The following LYPD1 variants were observed in gnomAD, a reference collection of about 807,000 sequenced individuals.
LYPD1 encodes the protein LY6/PLAUR domain containing 1.
LYPD1 carries 14 observed loss-of-function variants against 14.2 expected under a neutral mutation model. The ratio of observed to expected loss-of-function variants is 0.99; its 90% confidence interval spans 0.65 to 1.54. The LOEUF (loss-of-function observed/expected upper bound fraction) is 1.54, where lower values mean the gene tolerates loss of function less well. Ranked by LOEUF, LYPD1 falls within the 40% of genes most tolerant of loss-of-function variation. The pLI is 0.00. For missense variants in LYPD1, 165 were observed against 175.7 expected (o/e 0.94, Z 0.34); for synonymous variants, 85 against 70.6 (o/e 1.20, Z -1.02).
At chr2:132,658,960 G>C (rs1242724226) in intron 2 of LYPD1, among the ~76,000 whole-genome samples, 1 of 152,020 alleles carries the variant, frequency 6.6e-6, no homozygotes, top group African/African-American at 2.4e-5. Context: ...AGAGGTGTGT[G>C]TGTGTGTGTG....
chr2:132,645,255 G>A lies in LYPD1; in HGVS notation c.*790C>T, dbSNP rs1558870597. 3 of 1,614,128 alleles carry A rather than the reference G, an allele frequency of 1.9e-6. No homozygotes were observed. Among genetic ancestry groups the A allele is most frequent in the East Asian group, 2.2e-5 (1 of 44,868 alleles). ...CGGAGACGTTTTTCTACCTCAGCTC[G>A]GTCATCAACCCGCTCCTGTACACGG... On this transcript the variant is annotated 3_prime_UTR_variant, in exon 3 of 3. Coordinates refer to ENST00000397463, the MANE Select transcript of LYPD1 (RefSeq NM_144586.7).
rs922316481 is a variant in LYPD1, at chr2:132,669,518, G to A, written c.52+363C>T. ...CACCTGTCGGCGGCGCCACTCCCAC[G>A]GGGTGCCGGAGGCGCCAGACAACTT... On this transcript the variant is annotated intron_variant, in intron 1 of 2. Coordinates refer to ENST00000397463, the MANE Select transcript of LYPD1 (RefSeq NM_144586.7). This position sits in a 1 kb window ranked among gnomAD's most constrained non-coding sequence, Gnocchi z 4.3. 6.6e-6 allele frequency among the ~76,000 whole-genome samples: 1 copy of A among 152,106 alleles called. No homozygotes were observed. The highest frequency in any genetic ancestry group is 2.4e-5 in the African/African-American group (1 of 41,438).
intron 2 of LYPD1, chr2:132,646,653 A>G (rs1682105147): frequency 5.8e-6 from 1 of 173,640 alleles, no homozygotes. Context: ...AGTGAGGCCC[A>G]CAAGCAGTGC....
chr2:132,654,263 T>C (rs971588001), intron 2 of LYPD1, among the ~76,000 whole-genome samples: 5 of 152,096 alleles, frequency 3.3e-5, no homozygotes, highest in Non-Finnish European at 5.9e-5. Context: ...CAGCTGGGCA[T>C]GGTGGCGCTT....
intron 2 of LYPD1, among the ~76,000 whole-genome samples, chr2:132,655,302 C>G (rs1682522567): frequency 6.6e-6 from 1 of 152,096 alleles, no homozygotes; most frequent in Non-Finnish European, 1.5e-5. Context: ...TAATTCCCTC[C>G]AACTTAGACT....
At chr2:132,668,014 G>C (rs1243846152) in intron 2 of LYPD1, among the ~76,000 whole-genome samples, 1 of 152,228 alleles carries the variant, frequency 6.6e-6, no homozygotes, top group East Asian at 1.9e-4. Flanking sequence ...ACCTCTGGGA[G>C]CTTCAACTAG....
At chr2:132,658,166 G>C (rs147055147) in intron 2 of LYPD1, among the ~76,000 whole-genome samples, 1 of 152,202 alleles carries the variant, frequency 6.6e-6, no homozygotes, top group African/African-American at 2.4e-5. Flanking sequence ...AGGACAAAAA[G>C]CCAACATGCT....
In LYPD1 at chr2:132,645,506, C is replaced by CTAAG. The variant is rs760214088; in HGVS notation, c.*535_*538dup. 1.9e-6 allele frequency: 3 copies of CTAAG among 1,613,210 alleles called. No homozygotes were observed. Among genetic ancestry groups the CTAAG allele is most frequent in the Non-Finnish European group, 2.5e-6 (3 of 1,179,958 alleles). Reference sequence around the variant, plus strand: ...TTTCAGAGCGAGGCCGAGCCCCAGTCTAAGTCCCAGTCATTGAGTCTCGAG... The same window carrying CTAAG: ...TTTCAGAGCGAGGCCGAGCCCCAGTCTAAGTAAGTCCCAGTCATTGAGTCTCGAG... On this transcript the variant is annotated 3_prime_UTR_variant, in exon 3 of 3. Transcript: ENST00000397463.
chr2:132,663,536 A>G (rs960759217), intron 2 of LYPD1, among the ~76,000 whole-genome samples: 15 of 152,168 alleles, frequency 9.9e-5, no homozygotes, highest in African/African-American at 2.4e-4. Flanking sequence ...CAAGCTTCCC[A>G]AAGTGCTGGG....
At chr2:132,660,118 AAAG>A (rs1479402910) in intron 2 of LYPD1, among the ~76,000 whole-genome samples, 1 of 152,234 alleles carries the variant, frequency 6.6e-6, no homozygotes, top group Non-Finnish European at 1.5e-5. Flanking sequence ...CTGTGCTCAC[AAAG>A]AAGTCCAAGA....
At chr2:132,659,934 C>T (rs1353429439) in intron 2 of LYPD1, among the ~76,000 whole-genome samples, 1 of 152,246 alleles carries the variant, frequency 6.6e-6, no homozygotes, top group Non-Finnish European at 1.5e-5. Flanking sequence ...CCTTGCCCAG[C>T]ATCACTTAAT....
chr2:132,654,844 G>A (rs1425378924), intron 2 of LYPD1, among the ~76,000 whole-genome samples: 4 of 152,010 alleles, frequency 2.6e-5, no homozygotes, highest in African/African-American at 9.7e-5. Flanking sequence ...CACCTACCAG[G>A]TTCAAGTGAT....
chr2:132,655,081 G>C (rs1055935949), intron 2 of LYPD1, among the ~76,000 whole-genome samples: 1 of 152,100 alleles, frequency 6.6e-6, no homozygotes, highest in African/African-American at 2.4e-5. Flanking sequence ...GGAGTGATGT[G>C]TCTGATTGGT....
At chr2:132,670,461 C>A (rs919312778), upstream of LYPD1, among the ~76,000 whole-genome samples, 1 of 152,050 alleles carries the variant, frequency 6.6e-6, no homozygotes, top group Non-Finnish European at 1.5e-5. This position sits in a 1 kb window ranked among gnomAD's most constrained non-coding sequence, Gnocchi z 4.5. Context: ...GCGAGGAGGG[C>A]GCAGCAGGTG....
At chr2:132,647,826 T>G (rs1158628569) in intron 2 of LYPD1, among the ~76,000 whole-genome samples, 1 of 152,138 alleles carries the variant, frequency 6.6e-6, no homozygotes, top group Non-Finnish European at 1.5e-5. Context: ...GTGGTTTTGG[T>G]TTTGGCTCCG....
intron 2 of LYPD1, among the ~76,000 whole-genome samples, chr2:132,665,193 T>A (rs1683200385): frequency 6.6e-6 from 1 of 152,248 alleles, no homozygotes; most frequent in African/African-American, 2.4e-5. Context: ...TAAATGTACC[T>A]GCCTCAAAAT....
At position 132,645,814 on chromosome 2, in the gene LYPD1, T is replaced by G; in HGVS notation, c.*231A>C. 1.4e-6 allele frequency: 1 copy of G among 711,526 alleles called. No homozygotes were observed. Among genetic ancestry groups the G allele is most frequent in the Non-Finnish European group, 2.3e-6 (1 of 443,238 alleles). The allele number at this position is 711,526 out of a possible 1,614,324, so 44.1% of individuals were successfully genotyped here. On this transcript the variant is annotated 3_prime_UTR_variant, in exon 3 of 3. Coordinates refer to ENST00000397463, the MANE Select transcript of LYPD1 (RefSeq NM_144586.7). The stretch of plus-strand genomic sequence containing the variant: ...CGGTTACACAGACATGGGGGTGAAC[T>G]TTCACTCCACCTCCTTCCTTCAAGT...
At chr2:132,662,416 C>T (rs769113557) in intron 2 of LYPD1, among the ~76,000 whole-genome samples, 4 of 152,206 alleles carry the variant, frequency 2.6e-5, no homozygotes, top group Non-Finnish European at 4.4e-5. Flanking sequence ...TGTGAAGAAC[C>T]TAGAACATAG....
rs1461919928 is a variant in LYPD1 at position 132,645,337 on chromosome 2, C to A, written c.*708G>T. The A allele has an allele frequency of 8.1e-6, 13 of 1,614,068 alleles. No homozygotes were observed. Among genetic ancestry groups the A allele is most frequent in the Non-Finnish European group, 1.0e-5 (12 of 1,180,048 alleles). On this transcript the variant is annotated 3_prime_UTR_variant, in exon 3 of 3. Coordinates refer to ENST00000397463, the MANE Select transcript of LYPD1 (RefSeq NM_144586.7). ...GCAGGTGCTGTGCTGCCGCCTGTCG[C>A]TGCAGCACGCCAACCACGAGAAGCG...
Sources: gnomAD v4.1 joint callset for allele counts (sites outside exome capture counted in the v4.1 genomes callset) on GRCh38, gnomAD v4.1.1 for gene constraint, Gnocchi (gnomAD v3.1) non-coding constraint, MANE v1.5 for transcripts, NCBI Gene and HGNC (gene_info 2026-07-23, HGNC 2026-07-21) for gene names.